ZNF106: variants seen among roughly 807,000 people sequenced by gnomAD.
ZNF106 encodes SH3-domain binding protein 3.
ZNF106 carries 67 observed loss-of-function variants against 195.1 expected under a neutral mutation model. The observed-to-expected ratio is 0.34, with a 90% CI of 0.28 to 0.42. The LOEUF (loss-of-function observed/expected upper bound fraction) is 0.42. ZNF106 is among the 10% of genes least tolerant of loss of function. The pLI is 1.00. For synonymous variants in ZNF106, 784 were observed against 818.6 expected, an observed-to-expected ratio of 0.96 and a Z score of 0.72; for missense variants, 2,118 against 2,304.5, an observed-to-expected ratio of 0.92 and a Z score of 1.66.
At chr15:42,478,242 C>A (rs998748352) in intron 1 of ZNF106, among the ~76,000 whole-genome samples, 1 of 152,208 alleles carries the variant, frequency 6.6e-6, no homozygotes, top group African/African-American at 2.4e-5. Context: ...TGGCTCACTG[C>A]AACCTCTGCC....
At position 42,428,125 on chromosome 15, in the gene ZNF106, A is replaced by G. The variant is rs1250686989; in HGVS notation, c.4891T>C (p.Cys1631Arg). Residue 1631 changes from cysteine (C) to arginine (R), a missense_variant, in exon 15 of 22, where the codon TGT becomes CGT. By Grantham distance (180) the Cys-to-Arg change is radical. Transcript: ENST00000564754. The stretch of plus-strand genomic sequence containing the variant: ...TCTTCCAGCTGTAACTGCTCCACAC[A>G]CTCTCGGCTCTGATAAAAGCACACA... Reference protein sequence around the residue: ...IRCYNVKSRECVEQLQLEDRV... With the variant: ...IRCYNVKSRERVEQLQLEDRV... 1.2e-6 allele frequency: 2 copies of G among 1,613,798 alleles called. No homozygotes were observed. Among genetic ancestry groups the G allele is most frequent in the East Asian group, 2.2e-5 (1 of 44,860 alleles).
intron 12 of ZNF106, 68 bp from the exon 13 acceptor site, chr15:42,437,445 C>T (rs1320132285): frequency 6.4e-7 from 1 of 1,570,816 alleles, no homozygotes; most frequent in Non-Finnish European, 8.6e-7. Flanking sequence ...AAAATCAGAA[C>T]TATTATACAA....
intron 14 of ZNF106, among the ~76,000 whole-genome samples, chr15:42,434,348 A>C (rs2141298292): frequency 6.6e-6 from 1 of 152,308 alleles, no homozygotes; most frequent in East Asian, 1.9e-4. Context: ...AACAAACAAA[A>C]AAAACACCTC....
chr15:42,466,455 A>G (rs989037636), intron 2 of ZNF106, among the ~76,000 whole-genome samples: 3 of 152,210 alleles, frequency 2.0e-5, no homozygotes, highest in African/African-American at 7.2e-5. Flanking sequence ...ATTTAAAAAA[A>G]AAACCTTTCA....
chr15:42,420,896 AAAAC>A (rs1236310955), intron 20 of ZNF106, among the ~76,000 whole-genome samples, 161 bp downstream of exon 20: 1 of 152,232 alleles, frequency 6.6e-6, no homozygotes, highest in African/African-American at 2.4e-5. Context: ...ATTTTATAAT[AAAAC>A]AAAACCACCA....
intron 15 of ZNF106, among the ~76,000 whole-genome samples, chr15:42,426,691 A>G (rs2054871480): frequency 6.6e-6 from 1 of 151,248 alleles, no homozygotes; most frequent in African/African-American, 2.4e-5. Context: ...GGCATGAGCC[A>G]CCATACCCAT....
intron 1 of ZNF106, among the ~76,000 whole-genome samples, chr15:42,486,766 A>G (rs1268813113): frequency 1.3e-5 from 2 of 151,932 alleles, no homozygotes; most frequent in East Asian, 1.9e-4. Context: ...CCAAGATCCT[A>G]TTGATGTTAA....
chr15:42,460,298 A>G (rs1444908606), intron 3 of ZNF106, among the ~76,000 whole-genome samples: 1 of 152,196 alleles, frequency 6.6e-6, no homozygotes, highest in African/African-American at 2.4e-5. Context: ...CTCTTAAAAG[A>G]CACAACTAGA....
Position 42,414,073 on chromosome 15 carries a change from C to T in ZNF106, c.*3231G>A, listed in dbSNP as rs761305650. 1.3e-5 allele frequency: 2 copies of T among 152,178 alleles called. No individual in the cohort carries two copies. The highest frequency in any genetic ancestry group is 2.9e-5 in the Non-Finnish European group (2 of 68,024). 9.4% of individuals were successfully genotyped at this position (152,178 alleles called of 1,614,324 possible). A position where few individuals can be genotyped will look rare whatever the true frequency, so the allele number is the denominator to read the frequency against. On this transcript the variant is annotated 3_prime_UTR_variant, in exon 22 of 22. Transcript: ENST00000564754. The stretch of plus-strand genomic sequence containing the variant: ...ATTAGACAAAAGCAACCGAGAGTAA[C>T]ATTCTAAAAGTGGCTTCAACTACTT...
At chr15:42,488,466 C>T (rs1399473430) in intron 1 of ZNF106, among the ~76,000 whole-genome samples, 2 of 151,970 alleles carry the variant, frequency 1.3e-5, no homozygotes, top group Non-Finnish European at 2.9e-5. Flanking sequence ...CACACACACT[C>T]GACTGTAGAG....
intron 6 of ZNF106, among the ~76,000 whole-genome samples, chr15:42,446,954 T>C (rs1339803878): frequency 6.6e-6 from 1 of 152,210 alleles, no homozygotes; most frequent in African/African-American, 2.4e-5. Context: ...CAAGTAGAAG[T>C]ATAGACAAAG....
In ZNF106 at chr15:42,449,828, T is replaced by C; in HGVS notation, c.2444A>G (p.Glu815Gly). ...CTTGGTTACTTGCTGAATGACCTGT[T>C]CCCAGTTGACATTTCTCCGAGATGC... ...LNASRRNVNW[E>G]QVIQQVTKKK... The change falls in exon 5 of 22, where the codon GAA becomes GGA. Residue 815 changes from glutamate (E) to glycine (G), a missense_variant. Physicochemically the swap from Glu to Gly is moderately conservative, Grantham distance 98. Transcript: ENST00000564754. The C allele has an allele frequency of 6.2e-7, 1 of 1,614,210 alleles. No homozygotes were observed. Among genetic ancestry groups the C allele is most frequent in the East Asian group, 2.2e-5 (1 of 44,886 alleles).
chr15:42,452,200 T>C (rs1213616078), intron 4 of ZNF106, among the ~76,000 whole-genome samples: 1 of 152,098 alleles, frequency 6.6e-6, no homozygotes, highest in East Asian at 1.9e-4. Flanking sequence ...ATTACAACCA[T>C]CTCCCCCATC....
chr15:42,456,038 T>C (rs1055514358), intron 4 of ZNF106, among the ~76,000 whole-genome samples: 1 of 152,150 alleles, frequency 6.6e-6, no homozygotes, highest in Non-Finnish European at 1.5e-5. Context: ...AATTAGAAAA[T>C]TTATATTGCT....
At position 42,421,099 on chromosome 15, in the gene ZNF106, C is replaced by A. The variant is rs775858778; in HGVS notation, c.5479G>T (p.Ala1827Ser). 5 of 1,614,116 alleles carry A rather than the reference C, an allele frequency of 3.1e-6. No homozygotes were observed. Among genetic ancestry groups the A allele is most frequent in the Non-Finnish European group, 4.2e-6 (5 of 1,180,024 alleles). The change falls in exon 20 of 22, where the codon GCC becomes TCC. Residue 1827 changes from alanine to serine, a missense_variant. Coordinates refer to ENST00000564754, the MANE Select transcript of ZNF106 (RefSeq NM_001366845.3). The stretch of plus-strand genomic sequence containing the variant: ...TTCTGCATCAGATTAAGCCTCACGG[C>A]CTGAATACTGCCATCATAACAGCCA... The part of the protein sequence containing the change: ...YTGCYDGSIQ[A>S]VRLNLMQNYR...
chr15:42,457,197 C>T (rs1008010994), intron 3 of ZNF106, 39 bp from the exon 4 acceptor site: 1 of 1,613,846 alleles, frequency 6.2e-7, no homozygotes, highest in African/African-American at 1.3e-5. Context: ...CAATTCTCCC[C>T]ACTGGCATGG....
chr15:42,448,797 G>A lies in ZNF106; in HGVS notation c.2502-92C>T, dbSNP rs2055870799. 26 of 1,373,422 alleles carry A rather than the reference G, an allele frequency of 1.9e-5. No homozygotes were observed. The South Asian group carries it at 3.4e-4, about 18-fold the overall frequency. 85.1% of individuals were successfully genotyped at this position (1,373,422 alleles called of 1,614,324 possible). Reference sequence around the variant, plus strand: ...AATGTGCCAGGCTCTCTCAAGCACTGAGGTTATAAAAAGTAAGGTGGCTCT... The same window carrying A: ...AATGTGCCAGGCTCTCTCAAGCACTAAGGTTATAAAAAGTAAGGTGGCTCT... On this transcript the variant is annotated intron_variant, in intron 5 of 21. Transcript: ENST00000564754.
In ZNF106 at chr15:42,439,634, T is replaced by C. The variant is rs768853089; in HGVS notation, c.3943A>G (p.Lys1315Glu). 15 of 1,613,826 alleles carry C rather than the reference T, an allele frequency of 9.3e-6. No individual in the cohort carries two copies. Among genetic ancestry groups the C allele is most frequent in the Admixed American group, 1.7e-5 (1 of 59,942 alleles). ...CCTTTGGTTGGCTCTTCCCCTTCTTTATTTATGCTAGAAAGACCAGCTGAT... is the reference window on the plus strand; with the variant it reads ...CCTTTGGTTGGCTCTTCCCCTTCTTCATTTATGCTAGAAAGACCAGCTGAT... The part of the protein sequence containing the change: ...SQSAGLSSIN[K>E]EGEEPTKGNS... Residue 1315 changes from lysine to glutamate, a missense_variant, in exon 11 of 22, where the codon AAA becomes GAA. By Grantham distance (56) the Lys-to-Glu change is moderately conservative. Transcript: ENST00000564754.
At chr15:42,484,336 G>A (rs1157027594) in intron 1 of ZNF106, among the ~76,000 whole-genome samples, 1 of 152,172 alleles carries the variant, frequency 6.6e-6, no homozygotes, top group African/African-American at 2.4e-5. Context: ...TTAAAGGAAA[G>A]TGAGTTATAA....
Sources: allele counts gnomAD v4.1 joint callset (sites outside exome capture counted in the v4.1 genomes callset), GRCh38; gene constraint gnomAD v4.1.1; transcripts MANE v1.5; gene names NCBI Gene and HGNC (gene_info 2026-07-23, HGNC 2026-07-21).